The following TRPS1 variants were observed in gnomAD, a reference collection of about 807,000 sequenced individuals.
The protein encoded by TRPS1 is transcriptional repressor GATA binding 1, also known as zinc finger transcription factor Trps1.
TRPS1 carries 6 observed loss-of-function variants against 101.2 expected under a neutral mutation model. The observed-to-expected ratio is 0.06, with a 90% CI of 0.03 to 0.12. The LOEUF is 0.12. Ranked by LOEUF, TRPS1 falls within the 10% of genes least tolerant of loss-of-function variation. The pLI is 1.00. For synonymous variants in TRPS1, 578 were observed against 589.8 expected (o/e 0.98, Z 0.29); for missense variants, 1,363 against 1,567.0 (o/e 0.87, Z 2.20).
chr8:115,416,945 A>G (rs1225291722), intron 6 of TRPS1, among the ~76,000 whole-genome samples: 1 of 152,210 alleles, frequency 6.6e-6, no homozygotes, highest in Non-Finnish European at 1.5e-5. Flanking sequence ...TTAAACTGTC[A>G]TAACTTTTGT....
At chr8:115,537,432 T>C (rs968292249) in intron 5 of TRPS1, among the ~76,000 whole-genome samples, 16 of 152,248 alleles carry the variant, frequency 1.1e-4, no homozygotes, top group Admixed American at 1.0e-3. Context: ...AGAAATCTCA[T>C]TAACAACCAC....
intron 5 of TRPS1, among the ~76,000 whole-genome samples, chr8:115,421,348 C>CA (rs139482570): frequency 0.046 from 7,058 of 152,198 alleles, 597 homozygotes; most frequent in African/African-American, 0.16. Flanking sequence ...AGTAAGTGCT[C>CA]AAATCCTATT....
At chr8:115,522,881 T>C (rs1479524181) in intron 5 of TRPS1, among the ~76,000 whole-genome samples, 1 of 152,106 alleles carries the variant, frequency 6.6e-6, no homozygotes, top group African/African-American at 2.4e-5. Flanking sequence ...TACTTTGAGT[T>C]TTTTGTTGTT....
At position 115,555,872 on chromosome 8, in the gene TRPS1, A is replaced by AAAC. The variant is rs1563600082; in HGVS notation, c.2700+31128_2700+31129insGTT. Among the ~76,000 whole-genome samples the AAAC allele has an allele frequency of 4.2e-5, 6 of 142,328 alleles. No homozygotes were observed. The South Asian group carries it at 6.3e-4, about 15-fold the overall frequency. The allele number at this position is 142,328 out of a possible 152,430, so 93.4% of individuals were successfully genotyped here. On this transcript the variant is annotated intron_variant, in intron 5 of 6. Transcript: ENST00000395715. ...ACAAACAAACAAACAAACAAACAAA[A>AAAC]AAAAAAGCCAGGCATGGTGGCTTGC...
At chr8:115,567,654 G>A (rs1421392111) in intron 5 of TRPS1, among the ~76,000 whole-genome samples, 3 of 152,042 alleles carry the variant, frequency 2.0e-5, no homozygotes, top group Non-Finnish European at 4.4e-5. Context: ...TCTAAAGCAA[G>A]GATCCTTGTC....
chr8:115,638,225 C>T (rs193297376), intron 1 of TRPS1, among the ~76,000 whole-genome samples: 2 of 152,258 alleles, frequency 1.3e-5, no homozygotes, highest in East Asian at 3.9e-4. Context: ...CCATTTTACA[C>T]CAAAACTCCC....
intron 5 of TRPS1, among the ~76,000 whole-genome samples, chr8:115,513,035 T>C (rs1403979110): frequency 1.3e-5 from 2 of 151,716 alleles, no homozygotes; most frequent in Admixed American, 6.6e-5. Flanking sequence ...CACCTTCTTA[T>C]AGAAACCTGT....
intron 4 of TRPS1, among the ~76,000 whole-genome samples, chr8:115,592,970 G>A (rs907831893): frequency 5.5e-4 from 84 of 152,038 alleles, no homozygotes; most frequent in Non-Finnish European, 1.8e-4. Context: ...AGCACTTTTA[G>A]AACATTCCCA....
chr8:115,619,551 C>T lies in TRPS1; in HGVS notation c.547G>A (p.Gly183Ser). 1.2e-6 allele frequency: 2 copies of T among 1,614,126 alleles called. No homozygotes were observed. The highest frequency in any genetic ancestry group is 1.7e-6 in the Non-Finnish European group (2 of 1,180,036). Reference protein sequence around the residue: ...ATEETGQAQSGQANCQGLSPV... With the variant: ...ATEETGQAQSSQANCQGLSPV... Reference sequence around the variant, plus strand: ...CTCAAACCTTGACAATTGGCTTGACCACTCTGTGCTTGCCCTGTTTCCTCT... The same window carrying T: ...CTCAAACCTTGACAATTGGCTTGACTACTCTGTGCTTGCCCTGTTTCCTCT... The change falls in exon 3 of 7, where the codon GGT becomes AGT. Residue 183 changes from glycine to serine, a missense_variant. Gly to Ser is a moderately conservative substitution (Grantham distance 56). Around this residue, in one of 5 missense-constraint regions of TRPS1, gnomAD observed 1,020 missense variants for 1,073.0 expected, o/e 0.95. Coordinates refer to ENST00000395715, the MANE Select transcript of TRPS1 (RefSeq NM_014112.5).
intron 4 of TRPS1, among the ~76,000 whole-genome samples, chr8:115,596,685 CATAT>C (rs1248992398): frequency 6.6e-6 from 1 of 151,534 alleles, no homozygotes; most frequent in Non-Finnish European, 1.5e-5. Context: ...TGTATGCATA[CATAT>C]ATACATATAT....
At chr8:115,643,497 A>G (rs1356920604) in intron 1 of TRPS1, among the ~76,000 whole-genome samples, 1 of 152,218 alleles carries the variant, frequency 6.6e-6, no homozygotes, top group Non-Finnish European at 1.5e-5. Context: ...TTTAAGAAAA[A>G]GCAACACCTC....
At chr8:115,603,742 G>C in intron 4 of TRPS1, 131 bp downstream of exon 4, 1 of 1,051,070 alleles carries the variant, frequency 9.5e-7, no homozygotes, top group South Asian at 1.6e-5. Context: ...GAACTTTTAT[G>C]TGGTCTTCTC....
chr8:115,667,756 C>A, intron 1 of TRPS1: 1 of 1,354,078 alleles, frequency 7.4e-7, no homozygotes, highest in Non-Finnish European at 1.0e-6. Context: ...AAGTTTGAAG[C>A]CTGCATTTGC....
chr8:115,560,415 CA>C (rs764986338), intron 5 of TRPS1, among the ~76,000 whole-genome samples: 19 of 152,200 alleles, frequency 1.2e-4, no homozygotes, highest in Admixed American at 4.6e-4. Flanking sequence ...AAAATCATAA[CA>C]ACCACGTTGC....
chr8:115,639,689 C>T (rs958745742), intron 1 of TRPS1, among the ~76,000 whole-genome samples: 46 of 150,736 alleles, frequency 3.1e-4, no homozygotes, highest in South Asian at 6.3e-4. Context: ...ATTAACCAGG[C>T]GTGGTGGCAC....
At chr8:115,547,705 G>T (rs1173555802) in intron 5 of TRPS1, among the ~76,000 whole-genome samples, 1 of 152,020 alleles carries the variant, frequency 6.6e-6, no homozygotes, top group Non-Finnish European at 1.5e-5. Flanking sequence ...CCCGGGAAAG[G>T]CTTCATTCCT....
At chr8:115,666,886 G>A (rs1259507423) in intron 1 of TRPS1, among the ~76,000 whole-genome samples, 2 of 152,006 alleles carry the variant, frequency 1.3e-5, no homozygotes, top group African/African-American at 4.8e-5. Flanking sequence ...CTGTTCACCT[G>A]GTGTGTTTAC....
At chr8:115,625,749 T>A (rs566333515) in intron 1 of TRPS1, among the ~76,000 whole-genome samples, 63 of 152,056 alleles carry the variant, frequency 4.1e-4, no homozygotes, top group Admixed American at 7.9e-4. Flanking sequence ...TGTGTGCATA[T>A]ATATGTACAG....
intron 5 of TRPS1, among the ~76,000 whole-genome samples, chr8:115,432,342 T>G (rs71508449): frequency 1 from 151,851 of 151,852 alleles, 75,925 homozygotes; most frequent in Non-Finnish European, 1. Flanking sequence ...GGCTAGATTT[T>G]ACATAGGCCA....
Sources: gnomAD v4.1 joint callset for allele counts (sites outside exome capture counted in the v4.1 genomes callset) on GRCh38, gnomAD v4.1.1 for gene constraint, gnomAD v4.1.1 regional missense constraint, MANE v1.5 for transcripts, NCBI Gene and HGNC (gene_info 2026-07-23, HGNC 2026-07-21) for gene names.